Variants in CAB39L observed in about 807,000 individuals in gnomAD.
CAB39L encodes the protein calcium binding protein 39 like.
A neutral mutation model predicts 39.1 loss-of-function variants in CAB39L; 23 were observed. The ratio of observed to expected loss-of-function variants is 0.59; its 90% CI spans 0.42 to 0.83. CAB39L has a LOEUF of 0.83. Ranked by LOEUF, CAB39L falls within the 40% of genes least tolerant of loss-of-function variation. CAB39L has a pLI of 0.00. For synonymous variants in CAB39L, 126 were observed against 137.2 expected (o/e 0.92, Z 0.57); for missense variants, 366 against 391.9 (o/e 0.93, Z 0.56).
At chr13:49,362,448 G>A (rs1430035080) in intron 5 of CAB39L, among the ~76,000 whole-genome samples, 1 of 152,028 alleles carries the variant, frequency 6.6e-6, no homozygotes, top group Non-Finnish European at 1.5e-5. Context: ...AAATGCAATT[G>A]ACATGCTGAA....
intron 9 of CAB39L, among the ~76,000 whole-genome samples, chr13:49,332,381 T>A (rs1954729946): frequency 6.6e-6 from 1 of 152,196 alleles, no homozygotes; most frequent in Non-Finnish European, 1.5e-5. Context: ...CAATACTCAC[T>A]TTAATTATCT....
intron 3 of CAB39L, among the ~76,000 whole-genome samples, chr13:49,388,090 A>C (rs1159850867): frequency 2.0e-4 from 30 of 152,206 alleles, no homozygotes; most frequent in Admixed American, 2.0e-3. Flanking sequence ...AAAAAACTAA[A>C]ATGATGAAGA....
intron 3 of CAB39L, among the ~76,000 whole-genome samples, chr13:49,398,317 C>T (rs1010210857): frequency 2.6e-5 from 4 of 152,048 alleles, no homozygotes; most frequent in Non-Finnish European, 4.4e-5. Flanking sequence ...CCAACTTTGA[C>T]TATAATTAAT....
chr13:49,399,166 A>G (rs1347173528), intron 3 of CAB39L, among the ~76,000 whole-genome samples: 1 of 152,090 alleles, frequency 6.6e-6, no homozygotes, highest in Non-Finnish European at 1.5e-5. Context: ...TCCTCATGCA[A>G]TAACTATTAT....
intron 8 of CAB39L, among the ~76,000 whole-genome samples, chr13:49,343,667 G>T (rs903567413): frequency 6.6e-6 from 1 of 151,880 alleles, no homozygotes; most frequent in African/African-American, 2.4e-5. Context: ...GAAAGAGAGA[G>T]AGAAAGAGAA....
At chr13:49,340,077 G>A (rs1250550392) in intron 8 of CAB39L, among the ~76,000 whole-genome samples, 1 of 152,130 alleles carries the variant, frequency 6.6e-6, no homozygotes, top group Non-Finnish European at 1.5e-5. Flanking sequence ...GGTGGCTATG[G>A]GTCCACAATT....
chr13:49,331,853 C>A (rs1212440994), intron 10 of CAB39L, 94 bp downstream of exon 10: 5 of 1,151,730 alleles, frequency 4.3e-6, no homozygotes, highest in Non-Finnish European at 6.2e-6. Flanking sequence ...CATTTTCTTT[C>A]AAGTATGAAG....
chr13:49,335,512 C>T (rs191477798), intron 9 of CAB39L, among the ~76,000 whole-genome samples: 3 of 152,258 alleles, frequency 2.0e-5, no homozygotes, highest in Admixed American at 2.0e-4. Flanking sequence ...TAATACAAAG[C>T]ACTATAAAGC....
chr13:49,362,076 G>GTATAA (rs1244958015), intron 5 of CAB39L, among the ~76,000 whole-genome samples: 1 of 151,342 alleles, frequency 6.6e-6, no homozygotes, highest in Non-Finnish European at 1.5e-5. Flanking sequence ...AATTAAGGAT[G>GTATAA]TATAATATAT....
At chr13:49,346,650 G>A (rs1395735250) in intron 7 of CAB39L, among the ~76,000 whole-genome samples, 2 of 152,154 alleles carry the variant, frequency 1.3e-5, no homozygotes, top group South Asian at 2.1e-4. Flanking sequence ...GACAGCTGCC[G>A]TTTAGAGGGC....
At chr13:49,390,699 T>G (rs978833444) in intron 3 of CAB39L, among the ~76,000 whole-genome samples, 4 of 152,160 alleles carry the variant, frequency 2.6e-5, no homozygotes, top group Admixed American at 1.3e-4. Flanking sequence ...AAAACATTCT[T>G]GGAACTAAGA....
intron 7 of CAB39L, among the ~76,000 whole-genome samples, chr13:49,345,461 T>C (rs1437709073): frequency 2.6e-5 from 4 of 152,112 alleles, no homozygotes; most frequent in African/African-American, 4.8e-5. Context: ...AGAGCATTCA[T>C]TACCACTCTG....
chr13:49,437,020 C>A lies in CAB39L; in HGVS notation c.-245-2797G>T, dbSNP rs112240314. ...TCCTGGGCTCAAGTGATCCGCCCAC[C>A]TTGGCCTCTCAAAGGGCTGGGATTA... On this transcript the variant is annotated intron_variant, in intron 1 of 10. Coordinates refer to ENST00000409308, the MANE Select transcript of CAB39L (RefSeq NM_001079670.3). 8.0e-3 allele frequency among the ~76,000 whole-genome samples: 1,225 copies of A among 152,278 alleles called. 13 individuals are homozygous for A. The highest frequency in any genetic ancestry group is 0.027 in the African/African-American group (1,116 of 41,544).
intron 3 of CAB39L, among the ~76,000 whole-genome samples, chr13:49,426,717 G>A (rs755999427): frequency 2.6e-5 from 4 of 152,100 alleles, no homozygotes; most frequent in Admixed American, 1.3e-4. Context: ...GAGCCACCGC[G>A]CCCAGCCAAT....
intron 5 of CAB39L, among the ~76,000 whole-genome samples, chr13:49,365,304 G>A (rs1357273411): frequency 6.6e-6 from 1 of 152,058 alleles, no homozygotes; most frequent in Non-Finnish European, 1.5e-5. Context: ...AAATCAAAAT[G>A]GATTAAAGAC....
At chr13:49,316,949 C>G (rs1477838985) in intron 10 of CAB39L, among the ~76,000 whole-genome samples, 2 of 152,168 alleles carry the variant, frequency 1.3e-5, no homozygotes, top group East Asian at 3.9e-4. Context: ...CCAAGGAGCA[C>G]CAAGGACCTC....
rs182494481 is a variant in CAB39L at position 49,331,594 on chromosome 13, G to A, written c.834+353C>T. On this transcript the variant is annotated intron_variant, in intron 10 of 10. Coordinates refer to ENST00000409308, the MANE Select transcript of CAB39L (RefSeq NM_001079670.3). ...TAGTACCCGACTGTGTCTTCAGGGCGTCATTTAAAGTTCGAAGAGACAGTG... is the reference window on the plus strand; with the variant it reads ...TAGTACCCGACTGTGTCTTCAGGGCATCATTTAAAGTTCGAAGAGACAGTG... 1.8e-3 allele frequency among the ~76,000 whole-genome samples: 277 copies of A among 152,238 alleles called. 1 individual carries two copies. The highest frequency in any genetic ancestry group is 6.2e-3 in the African/African-American group (257 of 41,548).
Position 49,339,671 on chromosome 13 carries a change from T to C in CAB39L, c.690+6A>G. ...GGGACACTGACTTAAAGAAATTTGATATTACCTTTAAAGACTGTCTCTTAG... is the reference window on the plus strand; with the variant it reads ...GGGACACTGACTTAAAGAAATTTGACATTACCTTTAAAGACTGTCTCTTAG... On this transcript the variant is annotated splice_donor_region_variant and intron_variant, in intron 9 of 10. Coordinates refer to ENST00000409308, the MANE Select transcript of CAB39L (RefSeq NM_001079670.3). The C allele has an allele frequency of 6.4e-7, 1 of 1,562,878 alleles. No homozygotes were observed. Among genetic ancestry groups the C allele is most frequent in the Non-Finnish European group, 8.6e-7 (1 of 1,159,180 alleles).
intron 1 of CAB39L, among the ~76,000 whole-genome samples, chr13:49,435,844 A>G (rs547223596): frequency 3.3e-5 from 5 of 152,102 alleles, no homozygotes; most frequent in African/African-American, 1.2e-4. Context: ...TCTTTTTCAT[A>G]TCTTTGGCCC....
Sources: gnomAD v4.1 joint callset for allele counts (sites outside exome capture counted in the v4.1 genomes callset) on GRCh38, gnomAD v4.1.1 for gene constraint, MANE v1.5 for transcripts, NCBI Gene and HGNC (gene_info 2026-07-23, HGNC 2026-07-21) for gene names.